FBN1: variants seen among roughly 807,000 people sequenced by gnomAD.
FBN1 encodes the protein fibrillin 1.
A neutral mutation model predicts 365.1 loss-of-function variants in FBN1; 29 were observed. That is an observed-to-expected ratio of 0.08 (90% CI 0.06 to 0.11). The LOEUF is 0.11. FBN1 is among the 10% of genes least tolerant of loss of function. The pLI, the probability that FBN1 is intolerant of heterozygous loss-of-function variation, is 1.00. For missense variants in FBN1, 2,476 were observed against 3,703.2 expected, an observed-to-expected ratio of 0.67 and a Z score of 8.60; for synonymous variants, 1,210 against 1,270.5, an observed-to-expected ratio of 0.95 and a Z score of 1.01.
At chr15:48,475,964 A>C (rs2141281411) in intron 32 of FBN1, among the ~76,000 whole-genome samples, 1 of 152,344 alleles carries the variant, frequency 6.6e-6, no homozygotes, top group East Asian at 1.9e-4. Flanking sequence ...CACATTGTAT[A>C]GGTGGATTTT....
chr15:48,434,194 A>G (rs185937248), intron 54 of FBN1, among the ~76,000 whole-genome samples: 4 of 152,252 alleles, frequency 2.6e-5, no homozygotes, highest in African/African-American at 9.6e-5. Flanking sequence ...GATGGTGGGT[A>G]TCTTAGTGTG....
intron 6 of FBN1, among the ~76,000 whole-genome samples, chr15:48,567,998 T>TAAAGAAAGAAAGAAAGA (rs913796914): frequency 3.5e-5 from 2 of 56,534 alleles, no homozygotes; most frequent in African/African-American, 2.1e-4. Context: ...AGTATACAGA[T>TAAAGAAAGAAAGAAAGA]AAGAAAGAAA....
At chr15:48,432,804 G>A in intron 55 of FBN1, 62 bp downstream of exon 55, 1 of 1,600,576 alleles carries the variant, frequency 6.2e-7, no homozygotes, top group Non-Finnish European at 8.6e-7. Flanking sequence ...GAAGCTTTGA[G>A]GGACATCTCC....
chr15:48,601,551 TCA>T (rs2044567704), intron 4 of FBN1, among the ~76,000 whole-genome samples: 1 of 152,186 alleles, frequency 6.6e-6, no homozygotes, highest in Admixed American at 6.5e-5. Context: ...CTGTTTATGC[TCA>T]CTCTTCCTGA....
At position 48,567,669 on chromosome 15, in the gene FBN1, A is replaced by T. The variant is rs189661284; in HGVS notation, c.538+28614T>A. On this transcript the variant is annotated intron_variant, in intron 6 of 65. Transcript: ENST00000316623. ...AGGTCAGTTTAACATCTGAAAATCA[A>T]TTAATGTAATACACCATATTAATAG... Among the ~76,000 whole-genome samples the T allele has an allele frequency of 7.9e-5, 12 of 152,310 alleles. No homozygotes were observed. The East Asian group carries it at 2.1e-3, about 27-fold the overall frequency.
At chr15:48,446,042 T>C (rs565079499) in intron 47 of FBN1, among the ~76,000 whole-genome samples, 1 of 152,286 alleles carries the variant, frequency 6.6e-6, no homozygotes, top group South Asian at 2.1e-4. Flanking sequence ...ATAATTTCTA[T>C]ACAAAGAATC....
chr15:48,567,729 G>T (rs1472580485), intron 6 of FBN1, among the ~76,000 whole-genome samples: 1 of 152,022 alleles, frequency 6.6e-6, no homozygotes, highest in East Asian at 1.9e-4. Context: ...CATCTCAATA[G>T]ATATAGACCA....
In FBN1 at chr15:48,544,366, T is replaced by C. The variant is rs553338796; in HGVS notation, c.539-6558A>G. ...ACTGTATTATGCAAAATGTTTACCT[T>C]TAACAAACTGCTTCTGAGGTATGGC... On this transcript the variant is annotated intron_variant, in intron 6 of 65. Transcript: ENST00000316623. Among the ~76,000 whole-genome samples, 7 of 152,358 alleles carry C rather than the reference T, an allele frequency of 4.6e-5. No individual in the cohort carries two copies. In the South Asian group the frequency reaches 1.2e-3, roughly 27 times the overall value.
intron 2 of FBN1, among the ~76,000 whole-genome samples, chr15:48,620,699 C>T (rs1298871027): frequency 6.6e-6 from 1 of 152,116 alleles, no homozygotes; most frequent in Non-Finnish European, 1.5e-5. Flanking sequence ...ATCAGTTACT[C>T]AACATTCCAT....
chr15:48,412,830 T>C (rs1175540908), intron 64 of FBN1, 87 bp from the exon 65 acceptor site: 1 of 1,511,436 alleles, frequency 6.6e-7, no homozygotes, highest in Non-Finnish European at 9.2e-7. Context: ...GCCTGTTCCT[T>C]GCAGTTGTGA....
chr15:48,447,720 G>A (rs910118287), intron 46 of FBN1, among the ~76,000 whole-genome samples: 2 of 152,134 alleles, frequency 1.3e-5, no homozygotes, highest in African/African-American at 4.8e-5. Context: ...GTAATGATTA[G>A]AGCTAGGATT....
rs1334379957 is a variant in FBN1 at position 48,458,305 on chromosome 15, A to G, written c.5297-1543T>C. ...TGTTTTAAAGGAGAAATTTGATGTC[A>G]TAGATTTATTTTAGACCCTTTTTAA... On this transcript the variant is annotated intron_variant, in intron 43 of 65. Transcript: ENST00000316623. 1.3e-5 allele frequency among the ~76,000 whole-genome samples: 2 copies of G among 152,172 alleles called. 1 individual carries two copies. The highest frequency in any genetic ancestry group is 6.3e-3 in the Middle Eastern group (2 of 316).
intron 49 of FBN1, 44 bp from the exon 50 acceptor site, chr15:48,441,890 G>A (rs1566897458): frequency 6.2e-7 from 1 of 1,606,852 alleles, no homozygotes. Flanking sequence ...ACACGATGGA[G>A]ACATCATCAG....
In FBN1 at chr15:48,487,145, G is replaced by A; in HGVS notation, c.3519C>T (p.Asn1173=). 6.2e-7 allele frequency: 1 copy of A among 1,614,166 alleles called. No individual in the cohort carries two copies. Among genetic ancestry groups the A allele is most frequent in the South Asian group, 1.1e-5 (1 of 91,084 alleles). The change falls in exon 29 of 66, where the codon AAC becomes AAT. Residue 1173 remains asparagine, a synonymous_variant. Transcript: ENST00000316623. ...AGGCACACTGATACTTCCCTATGAG[G>A]TTCACGCAACGGCCATTGGGGCACA... is the stretch of plus-strand genomic sequence containing the variant. The part of the protein sequence containing the change: ...AHLCPNGRCV[N]LIGKYQCACN...
chr15:48,418,529 C>T (rs1315547143), intron 63 of FBN1, among the ~76,000 whole-genome samples: 9 of 152,158 alleles, frequency 5.9e-5, no homozygotes, highest in Admixed American at 2.0e-4. Flanking sequence ...TTTGTGCACT[C>T]GCCCTTTTTA....
intron 27 of FBN1, among the ~76,000 whole-genome samples, chr15:48,487,643 T>A (rs1042618512): frequency 1.3e-5 from 2 of 152,194 alleles, no homozygotes; most frequent in African/African-American, 4.8e-5. Flanking sequence ...TATTTTCTTC[T>A]CCTGCACTAC....
intron 60 of FBN1, among the ~76,000 whole-genome samples, chr15:48,422,451 G>A (rs1397466909): frequency 1.3e-5 from 2 of 152,206 alleles, no homozygotes; most frequent in Admixed American, 6.5e-5. Context: ...ATCTATTTAA[G>A]TTAAAACATA....
chr15:48,582,108 C>G (rs928803144), intron 6 of FBN1, among the ~76,000 whole-genome samples: 1 of 152,068 alleles, frequency 6.6e-6, no homozygotes, highest in Non-Finnish European at 1.5e-5. Flanking sequence ...TTTAAAAAGT[C>G]GAGGGAAAAA....
intron 49 of FBN1, 136 bp from the exon 50 acceptor site, chr15:48,441,982 T>C: frequency 4.4e-6 from 4 of 908,964 alleles, no homozygotes; most frequent in Non-Finnish European, 7.1e-6. Context: ...TTCTGTACCA[T>C]AACACTGTGG....
Sources: allele counts gnomAD v4.1 joint callset (sites outside exome capture counted in the v4.1 genomes callset), GRCh38; gene constraint gnomAD v4.1.1; transcripts MANE v1.5; gene names NCBI Gene and HGNC (gene_info 2026-07-23, HGNC 2026-07-21).